EWSR1: variants seen among roughly 807,000 people sequenced by gnomAD.
EWSR1 encodes the protein EWS RNA binding protein 1, also known as RNA-binding protein EWS.
In EWSR1, 14 loss-of-function variants were observed where a neutral mutation model predicts 92.1. The ratio of observed to expected loss-of-function variants is 0.15; its 90% CI spans 0.10 to 0.24. The LOEUF is 0.24. Among genes scored for constraint, EWSR1 ranks in the 10% least tolerant of loss-of-function variants. The pLI is 1.00. For missense variants in EWSR1, 637 were observed against 870.9 expected (o/e 0.73, Z 3.38); for synonymous variants, 303 against 292.9 (o/e 1.03, Z -0.35).
chr22:29,284,468 A>G (rs996312360), intron 6 of EWSR1, among the ~76,000 whole-genome samples: 3 of 151,450 alleles, frequency 2.0e-5, no homozygotes, highest in Admixed American at 6.5e-5. Context: ...TTGGAGCAAA[A>G]GTGGGTAGGG....
intron 4 of EWSR1, chr22:29,277,282 A>G (rs2059195211): frequency 4.4e-6 from 1 of 226,698 alleles, no homozygotes; most frequent in Admixed American, 5.7e-5. Context: ...AGTAAGAGGA[A>G]TGGAGCTGAG....
chr22:29,299,162 C>G, intron 14 of EWSR1, 72 bp from the exon 15 acceptor site: 2 of 1,612,876 alleles, frequency 1.2e-6, no homozygotes, highest in South Asian at 1.1e-5. Context: ...TGTACCTGTT[C>G]ACACACCACC....
intron 4 of EWSR1, chr22:29,274,573 CCT>C (rs1432379009): frequency 2.3e-5 from 9 of 397,752 alleles, no homozygotes; most frequent in Admixed American, 4.0e-5. Context: ...CTGATTTTCC[CCT>C]GTTCCCTGAA....
rs141228556 is a variant in EWSR1, at chr22:29,288,940, T to C, written c.974+154T>C. 136 of 721,912 alleles carry C rather than the reference T, an allele frequency of 1.9e-4. No individual in the cohort carries two copies. The East Asian group carries it at 4.2e-3, about 22-fold the overall frequency. The allele number at this position is 721,912 out of a possible 1,614,324, so 44.7% of individuals were successfully genotyped here. On this transcript the variant is annotated intron_variant, in intron 8 of 16. Coordinates refer to ENST00000397938, the MANE Select transcript of EWSR1 (RefSeq NM_005243.4). The stretch of plus-strand genomic sequence containing the variant: ...CATCTTCTAAAACATGGAAATGTCA[T>C]CTTTGTGGCATATATTAAGTGGCAG...
Position 29,299,619 on chromosome 22 carries a change from G to A in EWSR1, c.1699G>A (p.Gly567Ser). ...PPPGGDRGRG[G>S]PGGMRGGRGG... ...CTTAGGTGGTGATCGTGGCAGAGGT[G>A]GCCCTGGTGGCATGCGGGGAGGAAG... is the stretch of plus-strand genomic sequence containing the variant. Residue 567 changes from glycine (G) to serine (S), a missense_variant, in exon 16 of 17, where the codon GGC becomes AGC. Transcript: ENST00000397938. 2 of 1,605,214 alleles carry A rather than the reference G, an allele frequency of 1.2e-6. No homozygotes were observed. The highest frequency in any genetic ancestry group is 1.7e-6 in the Non-Finnish European group (2 of 1,175,076).
chr22:29,296,592 A>T (rs758978884), intron 12 of EWSR1, among the ~76,000 whole-genome samples: 1 of 152,226 alleles, frequency 6.6e-6, no homozygotes, highest in African/African-American at 2.4e-5. Flanking sequence ...TAAAGTGGCA[A>T]ACACTTCCTA....
intron 11 of EWSR1, chr22:29,295,968 G>A (rs1205902761): frequency 2.6e-6 from 1 of 377,524 alleles, no homozygotes; most frequent in African/African-American, 2.0e-5. Context: ...GAAAATGCCA[G>A]GGCAGGCAAA....
chr22:29,286,422 C>A (rs762588625), intron 6 of EWSR1, among the ~76,000 whole-genome samples: 1 of 151,964 alleles, frequency 6.6e-6, no homozygotes, highest in Non-Finnish European at 1.5e-5. Flanking sequence ...GGCACCGTGG[C>A]TCATGCCTGT....
At chr22:29,268,870 C>G (rs1214069760) in intron 1 of EWSR1, among the ~76,000 whole-genome samples, 2 of 152,220 alleles carry the variant, frequency 1.3e-5, no homozygotes, top group African/African-American at 4.8e-5. Context: ...AGCGGGAGCC[C>G]CGTCATCCTT....
intron 3 of EWSR1, 95 bp downstream of exon 3, chr22:29,272,526 A>G (rs2058760575): frequency 7.8e-7 from 1 of 1,288,798 alleles, no homozygotes; most frequent in Non-Finnish European, 1.1e-6. Context: ...CAAATGAGTA[A>G]TGTGTTTGGA....
At chr22:29,288,524 G>C (rs1212668134) in intron 7 of EWSR1, 82 bp from the exon 8 acceptor site, 1 of 1,384,312 alleles carries the variant, frequency 7.2e-7, no homozygotes, top group Admixed American at 2.3e-5. Flanking sequence ...TGGAATTGAG[G>C]ATTTTGTGAT....
rs558922641 is a variant in EWSR1 at position 29,282,591 on chromosome 22, T to C, written c.581+34T>C. 5 of 1,489,730 alleles carry C rather than the reference T, an allele frequency of 3.4e-6. No individual in the cohort carries two copies. In the East Asian group the frequency reaches 1.3e-4, roughly 38 times the overall value. 92.3% of individuals were successfully genotyped at this position (1,489,730 alleles called of 1,614,324 possible). A position where few individuals can be genotyped will look rare whatever the true frequency, so the allele number is the denominator to read the frequency against. On this transcript the variant is annotated intron_variant, in intron 6 of 16. Coordinates refer to ENST00000397938, the MANE Select transcript of EWSR1 (RefSeq NM_005243.4). ...ACTTTTTGTGGCAAAACAAAAACAG[T>C]GACAAAACAGTTTTTTTCAGGTTGT...
At chr22:29,269,432 C>G (rs542984719) in intron 1 of EWSR1, 25 of 152,318 alleles carry the variant, frequency 1.6e-4, no homozygotes, top group African/African-American at 5.1e-4. Context: ...GTCGCCTAGC[C>G]ATCACCTGCA....
chr22:29,288,100 T>A (rs1167200636), intron 7 of EWSR1, among the ~76,000 whole-genome samples: 1 of 152,220 alleles, frequency 6.6e-6, no homozygotes, highest in Admixed American at 6.5e-5. Flanking sequence ...TTCTTCTGTA[T>A]GGAGAGAGGT....
In EWSR1 at chr22:29,284,486, C is replaced by T. The variant is rs187893562; in HGVS notation, c.581+1929C>T. ...GAGCAAAAGTGGGTAGGGCTTACAA[C>T]CCTTCTTCCACAGAGCAGGTTCGTA... On this transcript the variant is annotated intron_variant, in intron 6 of 16. Coordinates refer to ENST00000397938, the MANE Select transcript of EWSR1 (RefSeq NM_005243.4). Among the ~76,000 whole-genome samples, 11 of 151,450 alleles carry T rather than the reference C, an allele frequency of 7.3e-5. 1 individual carries two copies. The highest frequency in any genetic ancestry group is 2.7e-4 in the African/African-American group (11 of 40,716).
In EWSR1 at chr22:29,282,426, A is replaced by C; in HGVS notation, c.450A>C (p.Gln150His). ...GAAACAAGCCCACTGAGACTAGTCA[A>C]CCTCAATCTAGCACAGGGGGTTACA... ...QDGNKPTETS[Q>H]PQSSTGGYNQ... The change falls in exon 6 of 17, where the codon CAA becomes CAC. Residue 150 changes from glutamine to histidine, a missense_variant. Physicochemically the swap from Gln to His is conservative, Grantham distance 24. Coordinates refer to ENST00000397938, the MANE Select transcript of EWSR1 (RefSeq NM_005243.4). The C allele has an allele frequency of 6.3e-7, 1 of 1,596,778 alleles. No individual in the cohort carries two copies. The highest frequency in any genetic ancestry group is 1.4e-5 in the African/African-American group (1 of 73,890).
intron 8 of EWSR1, chr22:29,289,765 T>A (rs72563104): frequency 0.011 from 2,512 of 232,182 alleles, 56 homozygotes; most frequent in African/African-American, 0.051. Context: ...ACTTCCATAT[T>A]AGCAAATACT....
At chr22:29,271,434 T>G (rs1178898790) in intron 1 of EWSR1, among the ~76,000 whole-genome samples, 1 of 152,232 alleles carries the variant, frequency 6.6e-6, no homozygotes, top group Non-Finnish European at 1.5e-5. Flanking sequence ...TAGGGAGGTT[T>G]ACTTAGATAA....
Position 29,297,710 on chromosome 22 carries a change from T to C in EWSR1, c.1295-117T>C, listed in dbSNP as rs1026306416. The C allele has an allele frequency of 2.9e-6, 4 of 1,384,046 alleles. No individual in the cohort carries two copies. In the African/African-American group the frequency reaches 5.8e-5, roughly 20 times the overall value. The allele number at this position is 1,384,046 out of a possible 1,614,324, so 85.7% of individuals were successfully genotyped here. On this transcript the variant is annotated intron_variant, in intron 12 of 16. Coordinates refer to ENST00000397938, the MANE Select transcript of EWSR1 (RefSeq NM_005243.4). ...CTTTTTCTGGCCTTGTCATTAAAGA[T>C]CTTAGAGAAGATTACAGGCAGACCT...
Sources: gnomAD v4.1 joint callset for allele counts (sites outside exome capture counted in the v4.1 genomes callset) on GRCh38, gnomAD v4.1.1 for gene constraint, MANE v1.5 for transcripts, NCBI Gene and HGNC (gene_info 2026-07-23, HGNC 2026-07-21) for gene names.